Variants in RAB40B observed in about 807,000 individuals in gnomAD.
RAB40B encodes RAB40B, member RAS oncogene family, also known as ras-related protein Rab-40B.
A neutral mutation model predicts 24.0 loss-of-function variants in RAB40B; 21 were observed. The ratio of observed to expected loss-of-function variants is 0.88; its 90% CI spans 0.62 to 1.26. The LOEUF is 1.26. Ranked by LOEUF, RAB40B falls within the 50% of genes most tolerant of loss-of-function variation. The pLI is 0.00. For missense variants in RAB40B, 348 were observed against 390.5 expected (o/e 0.89, Z 0.92); for synonymous variants, 167 against 169.8 (o/e 0.98, Z 0.13).
At chr17:82,666,579 C>T (rs181489078) in intron 1 of RAB40B, among the ~76,000 whole-genome samples, 18 of 152,098 alleles carry the variant, frequency 1.2e-4, no homozygotes, top group Admixed American at 7.2e-4. Flanking sequence ...TATGTTTCCC[C>T]GCCCCCATCA....
rs953917414 is a variant in RAB40B, at chr17:82,661,325, A to G, written c.204-278T>C. On this transcript the variant is annotated intron_variant, in intron 2 of 5. Transcript: ENST00000571995. Reference sequence around the variant, plus strand: ...ATTCTCAGATATTTAAATACATTCAATGTAGGCTTTAAAAAACTTGTTGAA... The same window carrying G: ...ATTCTCAGATATTTAAATACATTCAGTGTAGGCTTTAAAAAACTTGTTGAA... 7 of 1,167,490 alleles carry G rather than the reference A, an allele frequency of 6.0e-6. No individual in the cohort carries two copies. The African/African-American group carries it at 9.5e-5, about 16-fold the overall frequency. 72.3% of individuals were successfully genotyped at this position (1,167,490 alleles called of 1,614,324 possible).
intron 1 of RAB40B, among the ~76,000 whole-genome samples, chr17:82,687,546 A>G (rs1413036565): frequency 6.6e-6 from 1 of 152,150 alleles, no homozygotes; most frequent in African/African-American, 2.4e-5. Context: ...TAACCCACAT[A>G]AAGTAAAAAC....
At chr17:82,676,115 G>C (rs2248257) in intron 1 of RAB40B, among the ~76,000 whole-genome samples, 2 of 151,894 alleles carry the variant, frequency 1.3e-5, no homozygotes. Flanking sequence ...ATGGGGAACC[G>C]ACCGCCTCGT....
intron 1 of RAB40B, among the ~76,000 whole-genome samples, chr17:82,684,124 G>A (rs186568687): frequency 4.0e-4 from 60 of 151,708 alleles, no homozygotes; most frequent in African/African-American, 1.4e-3. Context: ...GGGAGGCTGA[G>A]GCAGGAGAAT....
In RAB40B at chr17:82,698,552, G is replaced by C; in HGVS notation, c.45C>G (p.Leu15=). The C allele has an allele frequency of 2.6e-6, 4 of 1,523,134 alleles. No individual in the cohort carries two copies. In the South Asian group the frequency reaches 4.7e-5, roughly 18 times the overall value. The allele number at this position is 1,523,134 out of a possible 1,614,324, so 94.4% of individuals were successfully genotyped here. A position where few individuals can be genotyped will look rare whatever the true frequency, so the allele number is the denominator to read the frequency against. The change falls in exon 1 of 6, where the codon CTC becomes CTG. Residue 15 remains leucine (L), a synonymous_variant. Coordinates refer to ENST00000571995, the MANE Select transcript of RAB40B (RefSeq NM_006822.3). ...GSPVRAYDFL[L]KFLLVGDSDV... ...CGCTGTCGCCCACCAGCAGGAACTTGAGCAGAAAGTCGTAGGCCCGGACCG... is the reference window on the plus strand; with the variant it reads ...CGCTGTCGCCCACCAGCAGGAACTTCAGCAGAAAGTCGTAGGCCCGGACCG...
intron 1 of RAB40B, among the ~76,000 whole-genome samples, chr17:82,685,359 AACTG>A (rs2046488674): frequency 7.1e-6 from 1 of 141,242 alleles, no homozygotes; most frequent in African/African-American, 3.2e-5. Context: ...CCGTGCACTC[AACTG>A]AACGCAGATT....
At chr17:82,691,444 G>A (rs1024697427) in intron 1 of RAB40B, among the ~76,000 whole-genome samples, 5 of 152,148 alleles carry the variant, frequency 3.3e-5, no homozygotes, top group East Asian at 1.9e-4. Flanking sequence ...CCAGCTACTC[G>A]GGAGGCCCAG....
intron 2 of RAB40B, chr17:82,661,419 G>T: frequency 2.7e-6 from 1 of 367,332 alleles, no homozygotes; most frequent in Non-Finnish European, 3.9e-6. Flanking sequence ...TGGGATCCCT[G>T]CTCTTCCAGT....
intron 1 of RAB40B, among the ~76,000 whole-genome samples, chr17:82,665,894 A>AC (rs1568033356): frequency 2.1e-4 from 31 of 150,636 alleles, no homozygotes; most frequent in African/African-American, 7.0e-4. Flanking sequence ...CAACAACAAA[A>AC]AAAAAAAAAA....
At chr17:82,660,913 A>T (rs2046163728) in intron 3 of RAB40B, 74 bp downstream of exon 3, 1 of 1,524,000 alleles carries the variant, frequency 6.6e-7, no homozygotes, top group Non-Finnish European at 9.0e-7. Flanking sequence ...CCATTAAAGG[A>T]TGGTAAGTTA....
At chr17:82,658,262 C>G in intron 5 of RAB40B, 128 bp from the exon 6 acceptor site, 1 of 1,316,090 alleles carries the variant, frequency 7.6e-7, no homozygotes, top group East Asian at 2.4e-5. Context: ...CTTGTACATG[C>G]AGCAAGCCCT....
intron 2 of RAB40B, chr17:82,662,733 G>A (rs2046189868): frequency 1.0e-6 from 1 of 985,252 alleles, no homozygotes; most frequent in Admixed American, 6.2e-5. Flanking sequence ...AAGCCCCCTG[G>A]GATCTCACTC....
At position 82,657,827 on chromosome 17, in the gene RAB40B, T is replaced by G. The variant is rs774190466; in HGVS notation, c.*36A>C. On this transcript the variant is annotated 3_prime_UTR_variant, in exon 6 of 6. Coordinates refer to ENST00000571995, the MANE Select transcript of RAB40B (RefSeq NM_006822.3). ...GCCGGGGGTAACGCCGAGCTTCTCC[T>G]GGAGAGATTCCGCCGTGTTTCTTTC... 8.7e-6 allele frequency: 14 copies of G among 1,605,952 alleles called. No individual in the cohort carries two copies. The South Asian group carries it at 1.5e-4, about 18-fold the overall frequency.
intron 1 of RAB40B, among the ~76,000 whole-genome samples, chr17:82,684,950 CTAAAAA>C (rs2046482796): frequency 6.6e-6 from 1 of 151,632 alleles, no homozygotes; most frequent in Non-Finnish European, 1.5e-5. Flanking sequence ...CCCATCTCTA[CTAAAAA>C]TAGAAAAATT....
At chr17:82,685,021 G>T (rs2046483458) in intron 1 of RAB40B, among the ~76,000 whole-genome samples, 1 of 151,670 alleles carries the variant, frequency 6.6e-6, no homozygotes, top group South Asian at 2.1e-4. Flanking sequence ...GGCTGAGGCA[G>T]GAGAATCGCT....
At chr17:82,680,338 T>A (rs1368437247) in intron 1 of RAB40B, among the ~76,000 whole-genome samples, 1 of 152,146 alleles carries the variant, frequency 6.6e-6, no homozygotes, top group African/African-American at 2.4e-5. Context: ...GGCCACGACC[T>A]GCCAAAGAGG....
intron 1 of RAB40B, among the ~76,000 whole-genome samples, chr17:82,689,553 C>T (rs1021703293): frequency 1.3e-5 from 2 of 152,022 alleles, no homozygotes; most frequent in African/African-American, 2.4e-5. Flanking sequence ...GAGGTGGGGC[C>T]GAATTGAGGG....
chr17:82,658,809 A>AG, intron 4 of RAB40B, 96 bp from the exon 5 acceptor site: 1 of 1,112,238 alleles, frequency 9.0e-7, no homozygotes, highest in Non-Finnish European at 1.3e-6. Context: ...ACCCCCCACG[A>AG]GTTCATGTCC....
At position 82,675,920 on chromosome 17, in the gene RAB40B, G is replaced by C. The variant is rs192429827; in HGVS notation, c.143-11364C>G. Among the ~76,000 whole-genome samples, 6 of 152,066 alleles carry C rather than the reference G, an allele frequency of 3.9e-5. No homozygotes were observed. The East Asian group carries it at 1.2e-3, about 29-fold the overall frequency. ...CTGCTACGTGGGTCCTTCTCACCAG[G>C]GGGGAGAGGTGGCAACAGTGACGAC... On this transcript the variant is annotated intron_variant, in intron 1 of 5. Transcript: ENST00000571995. The surrounding 1 kb of genome is among the most constrained non-coding windows in gnomAD (Gnocchi z 4.5).
Sources: allele counts gnomAD v4.1 joint callset (sites outside exome capture counted in the v4.1 genomes callset), GRCh38; gene constraint gnomAD v4.1.1; non-coding constraint Gnocchi (gnomAD v3.1); transcripts MANE v1.5; gene names NCBI Gene and HGNC (gene_info 2026-07-23, HGNC 2026-07-21).